Variants in TNRC18 observed in about 807,000 individuals in gnomAD.
TNRC18 encodes trinucleotide repeat containing 18.
A neutral mutation model predicts 226.7 loss-of-function variants in TNRC18; 69 were observed. The observed-to-expected ratio is 0.30, with a 90% confidence interval of 0.25 to 0.37. TNRC18 has a LOEUF of 0.37. Ranked by LOEUF, TNRC18 falls within the 10% of genes least tolerant of loss-of-function variation. The pLI, the probability that TNRC18 is intolerant of heterozygous loss-of-function variation, is 1.00. For missense variants in TNRC18, 4,754 were observed against 4,256.6 expected (o/e 1.12, Z -3.25); for synonymous variants, 2,449 against 1,927.6 (o/e 1.27, Z -7.09).
intron 2 of TNRC18, among the ~76,000 whole-genome samples, chr7:5,406,353 T>A (rs1168886950): frequency 6.6e-6 from 1 of 152,060 alleles, no homozygotes; most frequent in South Asian, 2.1e-4. Flanking sequence ...TCTCAGCTAC[T>A]CGGGAGGCTG....
intron 5 of TNRC18, among the ~76,000 whole-genome samples, chr7:5,380,212 G>A (rs908052353): frequency 1.3e-5 from 2 of 152,298 alleles, no homozygotes; most frequent in African/African-American, 2.4e-5. Context: ...CTGGGAGGCC[G>A]AGGTGGGAGG....
intron 21 of TNRC18, among the ~76,000 whole-genome samples, chr7:5,322,151 G>A (rs936872210): frequency 3.3e-5 from 5 of 151,872 alleles, no homozygotes; most frequent in African/African-American, 1.2e-4. Flanking sequence ...GGCAGTGCAC[G>A]CCTGTAGTCC....
chr7:5,362,877 C>A (rs1388679187), intron 11 of TNRC18, 52 bp from the exon 12 acceptor site: 99 of 1,443,328 alleles, frequency 6.9e-5, no homozygotes, highest in Non-Finnish European at 8.7e-5. Flanking sequence ...TTCCCCAACC[C>A]CAAACGGGGA....
At chr7:5,328,487 G>A (rs1789170435) in intron 19 of TNRC18, among the ~76,000 whole-genome samples, 1 of 150,784 alleles carries the variant, frequency 6.6e-6, no homozygotes, top group African/African-American at 2.4e-5. Flanking sequence ...GGGCAACACA[G>A]TGAGACCACC....
intron 2 of TNRC18, among the ~76,000 whole-genome samples, chr7:5,416,189 TGGATCAAGA>T (rs1782176765): frequency 7.5e-6 from 1 of 133,164 alleles, no homozygotes; most frequent in South Asian, 2.5e-4. Context: ...CCGAGGCGGG[TGGATCAAGA>T]GGTCAGGAGA....
At chr7:5,352,397 C>T (rs1289655625) in intron 16 of TNRC18, among the ~76,000 whole-genome samples, 2 of 152,136 alleles carry the variant, frequency 1.3e-5, no homozygotes, top group African/African-American at 4.8e-5. Context: ...TTCCGGGCAC[C>T]GGAGGATGAG....
chr7:5,350,107 A>G (rs548415578), intron 17 of TNRC18, among the ~76,000 whole-genome samples: 1 of 151,310 alleles, frequency 6.6e-6, no homozygotes, highest in African/African-American at 2.4e-5. Flanking sequence ...CGTGGGGTCC[A>G]GCCCATGGGG....
chr7:5,324,217 G>C lies in TNRC18; in HGVS notation c.6439C>G (p.Pro2147Ala), dbSNP rs924856168. ...RGGAVERPLT[P>A]APRSCIIDKD... ...ATGTGGCATCACGGCCACTCACCCGGGGTCAGCGGCCGCTCCACAGCCCCG... is the reference window on the plus strand; with the variant it reads ...ATGTGGCATCACGGCCACTCACCCGCGGTCAGCGGCCGCTCCACAGCCCCG... The change falls in exon 21 of 30, where the codon CCG becomes GCG. Residue 2147 changes from proline to alanine, a missense_variant. Pro to Ala is a conservative substitution (Grantham distance 27, BLOSUM62 -1). Transcript: ENST00000430969. The surrounding 1 kb of genome is among the most constrained non-coding windows in gnomAD (Gnocchi z 4.8). 1.2e-6 allele frequency: 2 copies of C among 1,603,008 alleles called. No individual in the cohort carries two copies. The highest frequency in any genetic ancestry group is 1.7e-6 in the Non-Finnish European group (2 of 1,176,612).
At position 5,315,045 on chromosome 7, in the gene TNRC18, C is replaced by T. The variant is rs538000216; in HGVS notation, c.6966G>A (p.Ser2322=). The T allele has an allele frequency of 6.5e-5, 104 of 1,609,338 alleles. No homozygotes were observed. The highest frequency in any genetic ancestry group is 5.7e-5 in the Non-Finnish European group (67 of 1,178,364). The change falls in exon 26 of 30, where the codon TCG becomes TCA. Residue 2322 remains serine, a synonymous_variant. Transcript: ENST00000430969. ...CACGGGCCTTGGCTCCTGGCTCCTC[C>T]GACCCAGCCGTGCCACCATCTTTGC... ...GEGKDGGTAG[S]EEPGAKARGR...
chr7:5,345,517 G>GGGGGGGCCCCCCCCCCCCCC, intron 18 of TNRC18, 45 bp downstream of exon 18: 3 of 377,744 alleles, frequency 7.9e-6, no homozygotes, highest in Non-Finnish European at 9.7e-6. Flanking sequence ...AATGGCGTCC[G>GGGGGGGCCCCCCCCCCCCCC]CCCCTCCCAC....
intron 17 of TNRC18, among the ~76,000 whole-genome samples, chr7:5,346,464 C>G (rs1018786687): frequency 6.6e-6 from 1 of 152,060 alleles, no homozygotes; most frequent in African/African-American, 2.4e-5. Flanking sequence ...TCACTGCACT[C>G]CAGCCTGGGT....
intron 29 of TNRC18, 28 bp downstream of exon 29, chr7:5,308,845 CCG>C: frequency 3.4e-6 from 4 of 1,181,492 alleles, no homozygotes; most frequent in Non-Finnish European, 4.9e-6. Flanking sequence ...CATCCCCAAC[CCG>C]CCCACCACCA....
Position 5,325,196 on chromosome 7 carries a change from G to C in TNRC18, c.6200C>G (p.Ala2067Gly). ...CCTGGCCTCAGAGGGCAAGGCAGGA[G>C]CTCGGGGCGGCGGCAGCCCAGCTCC... ...GPGAGLPPPRAPALPSEARAP... is the reference protein window; with the variant it reads ...GPGAGLPPPRGPALPSEARAP... The change falls in exon 20 of 30, where the codon GCT becomes GGT. Residue 2067 changes from alanine to glycine, a missense_variant. Coordinates refer to ENST00000430969, the MANE Select transcript of TNRC18 (RefSeq NM_001080495.3). The C allele has an allele frequency of 6.4e-7, 1 of 1,554,118 alleles. No homozygotes were observed. Among genetic ancestry groups the C allele is most frequent in the Non-Finnish European group, 8.7e-7 (1 of 1,150,140 alleles).
At chr7:5,366,316 A>AGCTT (rs1793615569) in intron 11 of TNRC18, among the ~76,000 whole-genome samples, 1 of 53,684 alleles carries the variant, frequency 1.9e-5, no homozygotes, top group African/African-American at 1.1e-4. Flanking sequence ...CTCTTCTTAT[A>AGCTT]TCTTTTTTTT....
intron 24 of TNRC18, among the ~76,000 whole-genome samples, chr7:5,317,286 G>A (rs1489834715): frequency 1.3e-5 from 2 of 152,110 alleles, no homozygotes; most frequent in East Asian, 1.9e-4. Flanking sequence ...AAGAGAGAGG[G>A]AGCTGCAGAA....
At chr7:5,386,168 G>C (rs1482396485) in intron 5 of TNRC18, among the ~76,000 whole-genome samples, 1 of 144,924 alleles carries the variant, frequency 6.9e-6, no homozygotes, top group Non-Finnish European at 1.5e-5. Flanking sequence ...CGCACCTGTA[G>C]TCCCAGCTAC....
Position 5,388,685 on chromosome 7 carries a change from G to A in TNRC18, c.1139C>T (p.Ala380Val). 1 of 1,266,338 alleles carries A rather than the reference G, an allele frequency of 7.9e-7. No individual in the cohort carries two copies. Among genetic ancestry groups the A allele is most frequent in the South Asian group, 2.1e-5 (1 of 47,630 alleles). 78.4% of individuals were successfully genotyped at this position (1,266,338 alleles called of 1,614,324 possible). A position where few individuals can be genotyped will look rare whatever the true frequency, so the allele number is the denominator to read the frequency against. The change falls in exon 5 of 30, where the codon GCC (alanine) becomes GTC (valine). Residue 380 changes from alanine to valine, a missense_variant. Coordinates refer to ENST00000430969, the MANE Select transcript of TNRC18 (RefSeq NM_001080495.3). ...GATGGGCCCCGGGCGCTCGTCGAAG[G>A]CCTCCACGGAAGGCACGAAGGTGGG... Reference protein sequence around the residue: ...VAPTFVPSVEAFDERPGPIQI... With the variant: ...VAPTFVPSVEVFDERPGPIQI...
At chr7:5,319,188 T>C (rs1044380490) in intron 24 of TNRC18, among the ~76,000 whole-genome samples, 9 of 152,292 alleles carry the variant, frequency 5.9e-5, no homozygotes, top group African/African-American at 2.2e-4. Flanking sequence ...GTGACTAATA[T>C]GATGGAAAAA....
At chr7:5,368,482 G>C (rs942733514) in intron 11 of TNRC18, among the ~76,000 whole-genome samples, 2 of 151,950 alleles carry the variant, frequency 1.3e-5, no homozygotes, top group African/African-American at 4.8e-5. Context: ...GGCCAACATG[G>C]TGAAACCCCA....
Sources: allele counts gnomAD v4.1 joint callset (sites outside exome capture counted in the v4.1 genomes callset), GRCh38; gene constraint gnomAD v4.1.1; non-coding constraint Gnocchi (gnomAD v3.1); transcripts MANE v1.5; gene names NCBI Gene and HGNC (gene_info 2026-07-23, HGNC 2026-07-21).